Variants in MIS18A observed in about 807,000 individuals in gnomAD.
The protein encoded by MIS18A is MIS18 kinetochore protein A.
MIS18A carries 14 observed loss-of-function variants against 25.0 expected under a neutral mutation model. The observed-to-expected ratio is 0.56, with a 90% CI of 0.37 to 0.88. MIS18A has a LOEUF of 0.88. MIS18A is among the 40% of genes least tolerant of loss of function. The pLI is 0.00. For synonymous variants in MIS18A, 134 were observed against 118.6 expected, an observed-to-expected ratio of 1.13 and a Z score of -0.84; for missense variants, 292 against 290.8, an observed-to-expected ratio of 1.00 and a Z score of -0.03.
At chr21:32,235,555 C>A in the MIS18A span, among the ~76,000 whole-genome samples, 1 of 152,208 alleles carries the variant, frequency 6.6e-6, no homozygotes, top group African/African-American at 2.4e-5. Context: ...AGTGTTGACA[C>A]ATGAGGTGAA....
the MIS18A span, among the ~76,000 whole-genome samples, chr21:32,172,198 T>C: frequency 1.3e-5 from 2 of 152,096 alleles, no homozygotes; most frequent in South Asian, 4.1e-4. Flanking sequence ...GATAGGAATA[T>C]AAATTGCTGC....
At chr21:32,260,084 C>CTTTTTTTTTTTTTTTTTTTTTT in the MIS18A span, 13 of 116,968 alleles carry the variant, frequency 1.1e-4, 1 homozygote, top group African/African-American at 4.5e-4. Flanking sequence ...TTTTTCTCAG[C>CTTTTTTTTTTTTTTTTTTTTTT]TTTTTTTTTT....
At chr21:32,207,233 G>C in the MIS18A span, among the ~76,000 whole-genome samples, 1 of 152,128 alleles carries the variant, frequency 6.6e-6, no homozygotes, top group Non-Finnish European at 1.5e-5. Context: ...GAGGAAAATG[G>C]ATAAATGCAA....
At chr21:32,229,325 G>A in the MIS18A span, among the ~76,000 whole-genome samples, 1 of 152,220 alleles carries the variant, frequency 6.6e-6, no homozygotes, top group Non-Finnish European at 1.5e-5. Context: ...GCAGGTGCCA[G>A]GCAAACAAGC....
At chr21:32,211,040 A>AT in the MIS18A span, among the ~76,000 whole-genome samples, 1 of 152,020 alleles carries the variant, frequency 6.6e-6, no homozygotes, top group African/African-American at 2.4e-5. Flanking sequence ...AATAGGCAAG[A>AT]TTTTTTCTTT....
chr21:32,168,607 A>G, the MIS18A span, among the ~76,000 whole-genome samples: 1 of 152,210 alleles, frequency 6.6e-6, no homozygotes, highest in Non-Finnish European at 1.5e-5. Context: ...GGTAGAAAAG[A>G]GGGAAATCAA....
At chr21:32,209,511 G>C in the MIS18A span, among the ~76,000 whole-genome samples, 1 of 152,106 alleles carries the variant, frequency 6.6e-6, no homozygotes, top group Non-Finnish European at 1.5e-5. Context: ...AGTAACTGCA[G>C]GTTTTGACAT....
chr21:32,190,931 A>T, the MIS18A span, among the ~76,000 whole-genome samples: 12 of 152,214 alleles, frequency 7.9e-5, no homozygotes, highest in African/African-American at 2.9e-4. Flanking sequence ...GCTGTGTCAT[A>T]CATACATTCC....
chr21:32,205,064 A>C, the MIS18A span, among the ~76,000 whole-genome samples: 14 of 145,686 alleles, frequency 9.6e-5, no homozygotes, highest in Admixed American at 2.7e-4. Context: ...TACCTCAGTG[A>C]CTTTACTAAT....
chr21:32,275,264 C>A (rs1249095824), intron 1 of MIS18A, among the ~76,000 whole-genome samples: 1 of 152,076 alleles, frequency 6.6e-6, no homozygotes, highest in East Asian at 1.9e-4. Context: ...TATTTCCTCC[C>A]TTTCCCTGAA....
the MIS18A span, among the ~76,000 whole-genome samples, chr21:32,234,731 A>G: frequency 6.6e-6 from 1 of 152,140 alleles, no homozygotes; most frequent in African/African-American, 2.4e-5. Context: ...TGTGACATGC[A>G]GGCTCTGCCG....
chr21:32,179,252 A>T, the MIS18A span, among the ~76,000 whole-genome samples: 71 of 152,170 alleles, frequency 4.7e-4, no homozygotes, highest in African/African-American at 1.7e-3. Flanking sequence ...TTCCCCCTGT[A>T]CTCAAAGCGA....
At chr21:32,158,206 A>G in the MIS18A span, among the ~76,000 whole-genome samples, 1 of 152,166 alleles carries the variant, frequency 6.6e-6, no homozygotes, top group Non-Finnish European at 1.5e-5. Context: ...CCTTACTTAG[A>G]TAATTAGTAA....
the MIS18A span, among the ~76,000 whole-genome samples, chr21:32,220,279 G>C: frequency 6.6e-6 from 1 of 152,200 alleles, no homozygotes; most frequent in Non-Finnish European, 1.5e-5. Flanking sequence ...CCAGAGGAAG[G>C]AGCAAGCAGC....
chr21:32,244,697 A>T, the MIS18A span, among the ~76,000 whole-genome samples: 7 of 152,168 alleles, frequency 4.6e-5, no homozygotes, highest in Admixed American at 2.0e-4. Flanking sequence ...TGATTGAGCC[A>T]CTGCACTTGA....
At chr21:32,256,446 G>C in the MIS18A span, among the ~76,000 whole-genome samples, 6 of 152,128 alleles carry the variant, frequency 3.9e-5, no homozygotes, top group Non-Finnish European at 8.8e-5. Context: ...CGGTAGCTAA[G>C]GCCACCTTTG....
At chr21:32,248,678 C>T in the MIS18A span, among the ~76,000 whole-genome samples, 2 of 152,230 alleles carry the variant, frequency 1.3e-5, no homozygotes, top group Non-Finnish European at 1.5e-5. Flanking sequence ...CCTTGCTTCA[C>T]TCAGTAACAC....
chr21:32,198,437 C>T, the MIS18A span, among the ~76,000 whole-genome samples: 9 of 152,364 alleles, frequency 5.9e-5, no homozygotes, highest in Admixed American at 4.6e-4. Flanking sequence ...AATTTACCAG[C>T]GACTCTTTTG....
At chr21:32,185,675 G>A in the MIS18A span, among the ~76,000 whole-genome samples, 6 of 152,178 alleles carry the variant, frequency 3.9e-5, no homozygotes, top group South Asian at 4.2e-4. Flanking sequence ...CTGCCTCTGG[G>A]TCTGGCACCT....
Sources: gnomAD v4.1 joint callset for allele counts (sites outside exome capture counted in the v4.1 genomes callset) on GRCh38, gnomAD v4.1.1 for gene constraint, MANE v1.5 for transcripts, NCBI Gene and HGNC (gene_info 2026-07-23, HGNC 2026-07-21) for gene names.